Variants in SORCS1 observed in about 807,000 individuals in gnomAD.
The protein encoded by SORCS1 is sortilin related VPS10 domain containing receptor 1.
In SORCS1, 60 loss-of-function variants were observed where a neutral mutation model predicts 146.1. That is an observed-to-expected ratio of 0.41 (90% CI 0.33 to 0.51). The LOEUF is 0.51. SORCS1 is among the 20% of genes least tolerant of loss of function. The pLI, the probability that SORCS1 is intolerant of heterozygous loss-of-function variation, is 0.21. For synonymous variants in SORCS1, 637 were observed against 584.0 expected (o/e 1.09, Z -1.31); for missense variants, 1,352 against 1,487.6 (o/e 0.91, Z 1.50).
chr10:106,852,461 C>T (rs1418574897), intron 2 of SORCS1, among the ~76,000 whole-genome samples: 1 of 151,816 alleles, frequency 6.6e-6, no homozygotes, highest in Non-Finnish European at 1.5e-5. Context: ...AACCCTGTCT[C>T]TACTAAAAAT....
chr10:106,782,526 G>C (rs928573708), intron 3 of SORCS1, among the ~76,000 whole-genome samples: 1 of 152,160 alleles, frequency 6.6e-6, no homozygotes, highest in African/African-American at 2.4e-5. Context: ...TAACAATAAT[G>C]AGGAGTCATT....
At chr10:107,049,366 A>G (rs982295780) in intron 1 of SORCS1, among the ~76,000 whole-genome samples, 20 of 151,526 alleles carry the variant, frequency 1.3e-4, no homozygotes, top group Non-Finnish European at 2.2e-4. Flanking sequence ...ACATGTATAC[A>G]TATGTAACTA....
intron 2 of SORCS1, among the ~76,000 whole-genome samples, chr10:106,908,240 G>T (rs1951999406): frequency 6.6e-6 from 1 of 152,110 alleles, no homozygotes; most frequent in African/African-American, 2.4e-5. Context: ...AGTTCCACGG[G>T]TTATGAGCTG....
At chr10:106,802,835 A>G (rs1347247726) in intron 3 of SORCS1, among the ~76,000 whole-genome samples, 3 of 152,096 alleles carry the variant, frequency 2.0e-5, no homozygotes, top group Non-Finnish European at 4.4e-5. Context: ...GGGTTTCACC[A>G]TGTTGGCCAG....
intron 2 of SORCS1, among the ~76,000 whole-genome samples, chr10:106,841,044 C>T (rs564034229): frequency 2.0e-5 from 3 of 151,310 alleles, no homozygotes; most frequent in South Asian, 2.1e-4. Context: ...TTAATAGAGA[C>T]GGGGTTTCAC....
At chr10:106,922,583 G>A (rs113454145) in intron 2 of SORCS1, among the ~76,000 whole-genome samples, 10 of 152,246 alleles carry the variant, frequency 6.6e-5, no homozygotes, top group African/African-American at 2.4e-4. Context: ...AGTACAGAGA[G>A]TTCCCATATG....
At chr10:107,005,176 C>G (rs1957386328) in intron 1 of SORCS1, among the ~76,000 whole-genome samples, 1 of 152,130 alleles carries the variant, frequency 6.6e-6, no homozygotes, top group South Asian at 2.1e-4. Context: ...AATGAAAAGC[C>G]AAGAGAGGCT....
chr10:107,115,628 C>A (rs1322597610), intron 1 of SORCS1, among the ~76,000 whole-genome samples: 2 of 152,000 alleles, frequency 1.3e-5, no homozygotes, highest in African/African-American at 4.8e-5. Flanking sequence ...AATGTAAGAT[C>A]TGAAACCGTA....
intron 1 of SORCS1, among the ~76,000 whole-genome samples, chr10:107,014,926 T>C (rs2139781377): frequency 6.6e-6 from 1 of 152,290 alleles, no homozygotes; most frequent in South Asian, 2.1e-4. Flanking sequence ...CCAATTGTGG[T>C]TGGAATATGG....
intron 1 of SORCS1, among the ~76,000 whole-genome samples, chr10:107,064,670 C>G (rs1374107746): frequency 6.6e-6 from 1 of 152,176 alleles, no homozygotes; most frequent in Non-Finnish European, 1.5e-5. Context: ...TCCTTCTCCT[C>G]TCTTGCAGAC....
intron 6 of SORCS1, among the ~76,000 whole-genome samples, chr10:106,718,850 C>G (rs60287502): frequency 6.8e-6 from 1 of 146,890 alleles, no homozygotes; most frequent in African/African-American, 2.7e-5. Context: ...AGACACAGAC[C>G]GCTGATGGGT....
intron 1 of SORCS1, among the ~76,000 whole-genome samples, chr10:106,980,660 T>C (rs1956214344): frequency 6.6e-6 from 1 of 152,226 alleles, no homozygotes. Flanking sequence ...CTGAGCTCTG[T>C]CTAAATAGCA....
At chr10:106,716,918 T>C (rs1855417592) in intron 6 of SORCS1, among the ~76,000 whole-genome samples, 1 of 152,128 alleles carries the variant, frequency 6.6e-6, no homozygotes, top group African/African-American at 2.4e-5. Context: ...GGTGGATCAC[T>C]TGAGGTCAGG....
chr10:107,078,556 G>T (rs780484877), intron 1 of SORCS1, among the ~76,000 whole-genome samples: 5 of 152,080 alleles, frequency 3.3e-5, no homozygotes, highest in Non-Finnish European at 4.4e-5. Context: ...CTTTGTTCTG[G>T]ACACACCTCT....
Position 107,034,694 on chromosome 10 carries a change from A to AC in SORCS1, c.559-78115_559-78114insG, listed in dbSNP as rs1958814845. 1.4e-5 allele frequency among the ~76,000 whole-genome samples: 2 copies of AC among 145,746 alleles called. 1 individual carries two copies. Among genetic ancestry groups the AC allele is most frequent in the South Asian group, 4.3e-4 (2 of 4,604 alleles). On this transcript the variant is annotated intron_variant, in intron 1 of 25. Coordinates refer to ENST00000263054, the MANE Select transcript of SORCS1 (RefSeq NM_052918.5). ...AAACTCCATCTCAAAAAAAAAAAAA[A>AC]AAAAAAAAAAAAACAATGTTCATAG...
intron 1 of SORCS1, among the ~76,000 whole-genome samples, chr10:107,075,395 T>G (rs1397246925): frequency 6.6e-6 from 1 of 152,178 alleles, no homozygotes; most frequent in Non-Finnish European, 1.5e-5. Flanking sequence ...GCAGTTTAAG[T>G]GCCTTCTGAA....
intron 2 of SORCS1, among the ~76,000 whole-genome samples, 160 bp from the exon 3 acceptor site, chr10:106,829,833 TGAGTGGTTA>T (rs1177456052): frequency 6.6e-6 from 1 of 152,208 alleles, no homozygotes; most frequent in Non-Finnish European, 1.5e-5. Context: ...TAGCATCATG[TGAGTGGTTA>T]AAATTTGCAT....
At chr10:107,094,669 T>A (rs189427517) in intron 1 of SORCS1, among the ~76,000 whole-genome samples, 2 of 152,354 alleles carry the variant, frequency 1.3e-5, no homozygotes, top group East Asian at 3.9e-4. Context: ...AGAATTTTTT[T>A]AAAAAAGGCT....
chr10:107,177,962 G>T, the SORCS1 span, among the ~76,000 whole-genome samples: 2 of 152,094 alleles, frequency 1.3e-5, no homozygotes, highest in Admixed American at 1.3e-4. Context: ...AGAACACATG[G>T]ACACATGGAG....
Sources: allele counts gnomAD v4.1 joint callset (sites outside exome capture counted in the v4.1 genomes callset), GRCh38; gene constraint gnomAD v4.1.1; transcripts MANE v1.5; gene names NCBI Gene and HGNC (gene_info 2026-07-23, HGNC 2026-07-21).